The following TBL1XR1 variants were observed in gnomAD, a reference collection of about 807,000 sequenced individuals.
TBL1XR1 encodes TBL1X/Y related 1.
Under a neutral mutation model 66.9 loss-of-function variants are expected in TBL1XR1, and 5 were observed. The observed-to-expected ratio is 0.07, with a 90% CI of 0.04 to 0.16. TBL1XR1 has a LOEUF of 0.16. TBL1XR1 is among the 10% of genes least tolerant of loss of function. The probability of loss-of-function intolerance (pLI) is 1.00; values close to 1 mark genes in which losing one functional copy is unlikely to be tolerated. For missense variants in TBL1XR1, 238 were observed against 623.2 expected, an observed-to-expected ratio of 0.38 and a Z score of 6.58; for synonymous variants, 210 against 206.0, an observed-to-expected ratio of 1.02 and a Z score of -0.17.
At chr3:177,068,726 T>C (rs1285320237) in intron 2 of TBL1XR1, among the ~76,000 whole-genome samples, 4 of 152,160 alleles carry the variant, frequency 2.6e-5, no homozygotes, top group Non-Finnish European at 1.5e-5. Context: ...CTGATTCCAT[T>C]CTTGAAGCCA....
intron 1 of TBL1XR1, among the ~76,000 whole-genome samples, chr3:177,134,868 G>T (rs1205715675): frequency 2.0e-5 from 3 of 151,608 alleles, no homozygotes; most frequent in Non-Finnish European, 4.4e-5. Context: ...AAACTAACGG[G>T]TATACAGTAA....
At chr3:177,198,925 A>T (rs1737264606), upstream of TBL1XR1, among the ~76,000 whole-genome samples, 1 of 151,102 alleles carries the variant, frequency 6.6e-6, no homozygotes, top group South Asian at 2.1e-4. Context: ...AACTTGCACC[A>T]GTCTGGACTC....
intron 1 of TBL1XR1, chr3:177,194,034 T>C (rs1271096249): frequency 6.6e-6 from 1 of 152,226 alleles, no homozygotes; most frequent in South Asian, 2.1e-4. Context: ...TCTGGCTCTA[T>C]GGTTACAGGG....
chr3:177,124,130 C>A (rs191880947), intron 1 of TBL1XR1, among the ~76,000 whole-genome samples: 1 of 152,086 alleles, frequency 6.6e-6, no homozygotes, highest in Admixed American at 6.5e-5. Flanking sequence ...CAGGGTAAGG[C>A]ATAATAACAT....
chr3:177,140,166 T>C (rs1157828787), intron 1 of TBL1XR1, among the ~76,000 whole-genome samples: 4 of 152,104 alleles, frequency 2.6e-5, no homozygotes, highest in Non-Finnish European at 5.9e-5. Context: ...CTGGGCGTGG[T>C]GGCACACACC....
chr3:177,196,669 C>G (rs1736896873), intron 1 of TBL1XR1, among the ~76,000 whole-genome samples: 2 of 151,806 alleles, frequency 1.3e-5, no homozygotes, highest in Non-Finnish European at 2.9e-5. Context: ...TAAAAATAGG[C>G]TATAAAGGAG....
chr3:177,192,993 A>G (rs572419944), intron 1 of TBL1XR1, among the ~76,000 whole-genome samples: 6 of 151,952 alleles, frequency 3.9e-5, no homozygotes, highest in African/African-American at 1.4e-4. Flanking sequence ...TCTCTACTAA[A>G]AACACAAAAA....
In TBL1XR1 at chr3:177,119,897, C is replaced by A. The variant is rs1424656655; in HGVS notation, c.-121-21356G>T. On this transcript the variant is annotated intron_variant, in intron 1 of 15. Coordinates refer to ENST00000457928, the MANE Select transcript of TBL1XR1 (RefSeq NM_024665.7). ...CCACTGCCCTTGGTATTAGTTACTT[C>A]AAATTTCAGGGAGAAAGAGTTGGGA... 2.0e-5 allele frequency among the ~76,000 whole-genome samples: 3 copies of A among 152,260 alleles called. No homozygotes were observed. The South Asian group carries it at 6.2e-4, about 32-fold the overall frequency.
chr3:177,076,807 T>C (rs1228498686), intron 2 of TBL1XR1, among the ~76,000 whole-genome samples: 1 of 152,258 alleles, frequency 6.6e-6, no homozygotes, highest in Non-Finnish European at 1.5e-5. Flanking sequence ...AGGTTGAATG[T>C]ATTACTGGTT....
rs1453677985 is a variant in TBL1XR1 at position 177,045,464 on chromosome 3, G to C, written c.925+665C>G. On this transcript the variant is annotated intron_variant, in intron 10 of 15. Transcript: ENST00000457928. ...TGGCTCTACTCAAGCTGAATGTCTG[G>C]GTGTGTGACTGTATATCATGAAGGA... 7.2e-5 allele frequency among the ~76,000 whole-genome samples: 11 copies of C among 152,020 alleles called. No homozygotes were observed. The East Asian group carries it at 1.9e-3, about 27-fold the overall frequency.
intron 14 of TBL1XR1, among the ~76,000 whole-genome samples, chr3:177,028,561 C>CA (rs1466375606): frequency 1.3e-5 from 2 of 152,042 alleles, no homozygotes; most frequent in African/African-American, 2.4e-5. Flanking sequence ...CCTCAAAACA[C>CA]ATTAGGAAAA....
intron 2 of TBL1XR1, among the ~76,000 whole-genome samples, chr3:177,095,092 GATT>G (rs565635285): frequency 8.8e-4 from 134 of 151,562 alleles, no homozygotes; most frequent in African/African-American, 3.1e-3. Context: ...ATCATCACGA[GATT>G]ATGTTAAAAA....
At chr3:177,046,544 C>T (rs932503699) in intron 9 of TBL1XR1, among the ~76,000 whole-genome samples, 2 of 152,114 alleles carry the variant, frequency 1.3e-5, no homozygotes, top group African/African-American at 2.4e-5. Context: ...TGGTTAACAA[C>T]GTAATCAGTT....
chr3:177,111,755 T>C (rs1056899298), intron 1 of TBL1XR1, among the ~76,000 whole-genome samples: 25 of 152,212 alleles, frequency 1.6e-4, no homozygotes, highest in Middle Eastern at 3.4e-3. Flanking sequence ...GCTGTTAATA[T>C]TGACATTTCA....
chr3:177,023,338 A>T lies in TBL1XR1; in HGVS notation c.*2160T>A, dbSNP rs1050054150. ...GCACAGATTTTTTTAATTTTTATTT[A>T]TTTTTTTTAAACAATAACAGAGGTC... On this transcript the variant is annotated 3_prime_UTR_variant, in exon 16 of 16. Coordinates refer to ENST00000457928, the MANE Select transcript of TBL1XR1 (RefSeq NM_024665.7). 1.1e-4 allele frequency: 16 copies of T among 152,314 alleles called. No homozygotes were observed. Among genetic ancestry groups the T allele is most frequent in the Middle Eastern group, 3.2e-3 (1 of 316 alleles). 9.4% of individuals were successfully genotyped at this position (152,314 alleles called of 1,614,324 possible).
At chr3:177,051,365 G>A in intron 5 of TBL1XR1, 139 bp downstream of exon 5, 2 of 694,900 alleles carry the variant, frequency 2.9e-6, no homozygotes, top group Non-Finnish European at 2.3e-6. Flanking sequence ...GTACCTGGGT[G>A]ATGAAATAGT....
At chr3:177,040,224 A>C (rs1019787833) in intron 10 of TBL1XR1, among the ~76,000 whole-genome samples, 1 of 152,190 alleles carries the variant, frequency 6.6e-6, no homozygotes, top group Non-Finnish European at 1.5e-5. Context: ...CTGAGGCAGG[A>C]GGACTGCTTG....
chr3:177,086,271 T>C (rs1439760467), intron 2 of TBL1XR1, among the ~76,000 whole-genome samples: 1 of 152,102 alleles, frequency 6.6e-6, no homozygotes, highest in Admixed American at 6.6e-5. Flanking sequence ...GATATTTTAC[T>C]TTAAAAAATT....
intron 1 of TBL1XR1, among the ~76,000 whole-genome samples, chr3:177,111,445 G>C (rs551616387): frequency 6.6e-6 from 1 of 151,906 alleles, no homozygotes; most frequent in Admixed American, 6.6e-5. Flanking sequence ...GCTAATTTGG[G>C]TATTTTTAGT....
Sources: allele counts gnomAD v4.1 joint callset (sites outside exome capture counted in the v4.1 genomes callset), GRCh38; gene constraint gnomAD v4.1.1; transcripts MANE v1.5; gene names NCBI Gene and HGNC (gene_info 2026-07-23, HGNC 2026-07-21).